Variants in NCOR2 observed in about 807,000 individuals in gnomAD.
NCOR2 encodes CTG repeat protein 26.
A neutral mutation model predicts 262.9 loss-of-function variants in NCOR2; 81 were observed. The observed-to-expected ratio is 0.31, with a 90% confidence interval of 0.26 to 0.37. The LOEUF (loss-of-function observed/expected upper bound fraction) is 0.37, where lower values mean the gene tolerates loss of function less well. Among genes scored for constraint, NCOR2 ranks in the 10% least tolerant of loss-of-function variants. The pLI is 1.00. For synonymous variants in NCOR2, 1,659 were observed against 1,559.3 expected (o/e 1.06, Z -1.51); for missense variants, 3,385 against 3,621.4 (o/e 0.93, Z 1.68).
chr12:124,564,266 C>T (rs945940160), intron 1 of NCOR2, among the ~76,000 whole-genome samples: 1 of 152,190 alleles, frequency 6.6e-6, no homozygotes, highest in African/African-American at 2.4e-5. Flanking sequence ...CACACGCACC[C>T]ACCTAGGGAC....
At chr12:124,486,494 C>T (rs779849795) in exon 2 of NCOR2, 54 of 1,610,802 alleles carry the variant, frequency 3.4e-5, no homozygotes, top group Non-Finnish European at 1.9e-5. Flanking sequence ...GCCGCTGGGG[C>T]TGGATGATGG....
chr12:124,411,729 C>T (rs2042596902), intron 13 of NCOR2, among the ~76,000 whole-genome samples: 1 of 152,248 alleles, frequency 6.6e-6, no homozygotes, highest in African/African-American at 2.4e-5. Context: ...AGCTGTTCCC[C>T]GCACCGCCCC....
chr12:124,367,109 T>A (rs1020181429), intron 20 of NCOR2, among the ~76,000 whole-genome samples: 1 of 152,214 alleles, frequency 6.6e-6, no homozygotes, highest in Non-Finnish European at 1.5e-5. Flanking sequence ...CACTGTCCCA[T>A]GCAGTCTGCC....
At chr12:124,358,179 G>C (rs1200151627) in intron 22 of NCOR2, among the ~76,000 whole-genome samples, 1 of 147,578 alleles carries the variant, frequency 6.8e-6, no homozygotes, top group Non-Finnish European at 1.5e-5. Context: ...AATGTTGAAG[G>C]AGATAACCTG....
At chr12:124,426,494 G>T in intron 11 of NCOR2, 128 bp downstream of exon 13, 1 of 901,892 alleles carries the variant, frequency 1.1e-6, no homozygotes. Flanking sequence ...AACCAGGAGA[G>T]AGTAAATCCC....
chr12:124,376,286 T>C (rs1258964675), intron 18 of NCOR2, among the ~76,000 whole-genome samples: 2 of 152,186 alleles, frequency 1.3e-5, no homozygotes, highest in African/African-American at 2.4e-5. Context: ...CGGGGCTACG[T>C]AAGCTCTGCA....
chr12:124,523,843 G>C lies in NCOR2; in HGVS notation c.-118+11722C>G, dbSNP rs1258076435. Reference sequence around the variant, plus strand: ...GTGAAGTGACTTGCCCAAGGGGACGGGGCTGGGAAGTGGCAATGTCGGTTT... The same window carrying C: ...GTGAAGTGACTTGCCCAAGGGGACGCGGCTGGGAAGTGGCAATGTCGGTTT... On this transcript the variant is annotated intron_variant, in intron 1 of 46. Transcript: ENST00000404621. The surrounding 1 kb of genome is among the most constrained non-coding windows in gnomAD (Gnocchi z 4.0). 3.3e-5 allele frequency among the ~76,000 whole-genome samples: 5 copies of C among 152,156 alleles called. No individual in the cohort carries two copies. Among genetic ancestry groups the C allele is most frequent in the African/African-American group, 4.8e-5 (2 of 41,416 alleles).
At chr12:124,499,590 G>GGGGT (rs1260955732), upstream of NCOR2, among the ~76,000 whole-genome samples, 1 of 152,242 alleles carries the variant, frequency 6.6e-6, no homozygotes, top group Non-Finnish European at 1.5e-5. Flanking sequence ...CGCAGGCTTG[G>GGGGT]GGGTGAGCCC....
chr12:124,328,089 C>G (rs2034845944), intron 44 of NCOR2, among the ~76,000 whole-genome samples: 1 of 152,004 alleles, frequency 6.6e-6, no homozygotes, highest in Non-Finnish European at 1.5e-5. Context: ...GTTTGGGGAA[C>G]AGGCTGCTAG....
rs2047566445 is a variant in NCOR2 at position 124,482,805 on chromosome 12, GC to G, written c.411+790del. 6.6e-6 allele frequency among the ~76,000 whole-genome samples: 1 copy of G among 152,176 alleles called. No individual in the cohort carries two copies. ...GTTGTCTGGCTCCCCTGCCCAAAGTGCATCCGTGGTCCCTCAGGCCTGGGTG... is the reference window on the plus strand; with the variant it reads ...GTTGTCTGGCTCCCCTGCCCAAAGTGATCCGTGGTCCCTCAGGCCTGGGTG... On this transcript the variant is annotated intron_variant, in intron 3 of 46. Transcript: ENST00000405201. This position sits in a 1 kb window ranked among gnomAD's most constrained non-coding sequence, Gnocchi z 6.3.
In NCOR2 at chr12:124,518,690, G is replaced by A. The variant is rs1469358974; in HGVS notation, c.-118+16875C>T. 2.0e-5 allele frequency among the ~76,000 whole-genome samples: 3 copies of A among 152,254 alleles called. No homozygotes were observed. The East Asian group carries it at 5.8e-4, about 29-fold the overall frequency. ...TCCTCATCGCCATGGTAACCCTGGC[G>A]GGCTTCCAGCCGACACTCGGGAGCT... On this transcript the variant is annotated intron_variant, in intron 1 of 46. Transcript: ENST00000404621.
exon 38 of NCOR2, chr12:124,337,016 T>A: frequency 6.6e-7 from 1 of 1,506,758 alleles, no homozygotes; most frequent in Non-Finnish European, 8.8e-7. Flanking sequence ...ATGGCCGGTG[T>A]CTGCTCGGGG....
chr12:124,333,365 C>T, intron 41 of NCOR2, 86 bp from the exon 44 acceptor site: 1 of 1,266,834 alleles, frequency 7.9e-7, no homozygotes, highest in Admixed American at 3.6e-5. Context: ...CAGGGCCCCA[C>T]ACGCTTTTCC....
At chr12:124,349,503 A>G (rs1420317281) in intron 28 of NCOR2, among the ~76,000 whole-genome samples, 1 of 152,146 alleles carries the variant, frequency 6.6e-6, no homozygotes, top group African/African-American at 2.4e-5. Context: ...ATAAAAACGG[A>G]GATGAGAAAC....
At chr12:124,332,023 G>C (rs1370561312) in intron 43 of NCOR2, 2 of 394,534 alleles carry the variant, frequency 5.1e-6, no homozygotes, top group Admixed American at 7.2e-5. Context: ...GCCCTTGTGT[G>C]GGAGGGATCC....
chr12:124,551,801 C>T (rs1183390282), intron 1 of NCOR2, among the ~76,000 whole-genome samples: 1 of 152,118 alleles, frequency 6.6e-6, no homozygotes, highest in Non-Finnish European at 1.5e-5. Context: ...CCGTTTTCTT[C>T]CTCTTTTTAA....
At chr12:124,341,329 T>C (rs987162720) in intron 34 of NCOR2, among the ~76,000 whole-genome samples, 1 of 151,840 alleles carries the variant, frequency 6.6e-6, no homozygotes, top group Non-Finnish European at 1.5e-5. Context: ...AACCTCCACC[T>C]CCTGGGTTCA....
chr12:124,358,567 G>C (rs181257374), intron 22 of NCOR2, among the ~76,000 whole-genome samples: 1 of 152,164 alleles, frequency 6.6e-6, no homozygotes, highest in East Asian at 1.9e-4. Flanking sequence ...ATGAGCCTCC[G>C]GTTAAGCTCA....
At chr12:124,476,336 CA>C (rs1208554388) in intron 3 of NCOR2, among the ~76,000 whole-genome samples, 1 of 152,186 alleles carries the variant, frequency 6.6e-6, no homozygotes, top group Non-Finnish European at 1.5e-5. Context: ...GTTCTTAAGA[CA>C]AAAGGTGGCA....
Sources: allele counts gnomAD v4.1 joint callset (sites outside exome capture counted in the v4.1 genomes callset), GRCh38; gene constraint gnomAD v4.1.1; non-coding constraint Gnocchi (gnomAD v3.1); transcripts MANE v1.5; gene names NCBI Gene and HGNC (gene_info 2026-07-23, HGNC 2026-07-21).